Variants in BMX observed in about 807,000 individuals in gnomAD.
BMX encodes cytoplasmic tyrosine-protein kinase BMX.
A neutral mutation model predicts 59.2 loss-of-function variants in BMX; 31 were observed. The ratio of observed to expected loss-of-function variants is 0.52; its 90% CI spans 0.39 to 0.71. The LOEUF is 0.71. Among genes scored for constraint, BMX ranks in the 30% least tolerant of loss-of-function variants. BMX has a pLI of 0.00. For missense variants in BMX, 474 were observed against 491.7 expected (o/e 0.96, Z 0.34); for synonymous variants, 185 against 181.0 (o/e 1.02, Z -0.18).
At chrX:15,535,810 A>C (rs1351770707) in intron 12 of BMX, among the ~76,000 whole-genome samples, 1 of 111,890 alleles carries the variant, frequency 8.9e-6, no homozygotes, top group African/African-American at 3.2e-5. Context: ...CATTTAAAGC[A>C]AAAAACATAT....
At position 15,541,984 on chromosome X, in the gene BMX, A is replaced by C; in HGVS notation, c.1397A>C (p.Lys466Thr). The C allele has an allele frequency of 1.7e-6, 2 of 1,207,820 alleles. No homozygotes were observed. The highest frequency in any genetic ancestry group is 2.2e-6 in the Non-Finnish European group (2 of 893,282). ...EFFQEAQTMM[K>T]LSHPKLVKFY... ...CTTTGAAAATCTGTTATTTCCAGGA[A>C]ACTCAGCCATCCCAAGCTGGTTAAA... is the stretch of plus-strand genomic sequence containing the variant. The change falls in exon 15 of 19, where the codon AAA (lysine) becomes ACA (threonine). Residue 466 changes from lysine (K) to threonine (T), a missense_variant and splice_region_variant. Coordinates refer to ENST00000348343, the MANE Select transcript of BMX (RefSeq NM_203281.3).
intron 18 of BMX, among the ~76,000 whole-genome samples, chrX:15,555,469 A>C (rs1926388544): frequency 9.0e-6 from 1 of 110,852 alleles, no homozygotes; most frequent in South Asian, 3.8e-4. Context: ...TCAGCCTCCC[A>C]GAGTGCTGGG....
At chrX:15,517,880 T>C in intron 5 of BMX, 49 bp from the exon 6 acceptor site, 1 of 1,059,196 alleles carries the variant, frequency 9.4e-7, no homozygotes, top group South Asian at 1.9e-5. Context: ...AGTGTTTCTC[T>C]TTGTTTTGTT....
chrX:15,533,514 G>A (rs1925184566), intron 11 of BMX, among the ~76,000 whole-genome samples: 1 of 111,943 alleles, frequency 8.9e-6, no homozygotes, highest in African/African-American at 3.2e-5. Flanking sequence ...TATATGCCAG[G>A]CATAACCATA....
chrX:15,521,763 A>C (rs1924468444), intron 6 of BMX, among the ~76,000 whole-genome samples: 1 of 111,166 alleles, frequency 9.0e-6, no homozygotes, highest in Admixed American at 9.6e-5. Flanking sequence ...CATCAGGCCC[A>C]CCCCCACAAA....
intron 9 of BMX, among the ~76,000 whole-genome samples, chrX:15,527,283 T>TATATATACAC (rs1285065649): frequency 6.5e-4 from 43 of 65,826 alleles, no homozygotes; most frequent in East Asian, 1.2e-3. Context: ...TATATATATA[T>TATATATACAC]ACACACACAC....
rs182550052 is a variant in BMX, at chrX:15,510,466, G to T, written c.244-971G>T. On this transcript the variant is annotated intron_variant, in intron 3 of 18. Transcript: ENST00000348343. ...CAAGGAGGGAGGATCACTTAAGGCT[G>T]GGAGTTCAAGACTAGCCTGGGCAAC... Among the ~76,000 whole-genome samples the T allele has an allele frequency of 3.8e-3, 420 of 111,478 alleles. 2 individuals carry two copies. Among genetic ancestry groups the T allele is most frequent in the African/African-American group, 0.013 (409 of 30,633 alleles).
chrX:15,536,585 A>G (rs1472889418), intron 13 of BMX, among the ~76,000 whole-genome samples, 158 bp downstream of exon 13: 1 of 109,879 alleles, frequency 9.1e-6, no homozygotes, highest in Non-Finnish European at 1.9e-5. Context: ...AAAAAAAAAA[A>G]AATCTGTCCT....
intron 4 of BMX, among the ~76,000 whole-genome samples, chrX:15,513,788 A>C (rs1924047798): frequency 9.0e-6 from 1 of 111,267 alleles, no homozygotes; most frequent in East Asian, 2.8e-4. Context: ...TGTACATCAT[A>C]ATGTAGTAGA....
chrX:15,542,551 A>G (rs779728743), intron 15 of BMX, among the ~76,000 whole-genome samples: 1 of 109,027 alleles, frequency 9.2e-6, no homozygotes, highest in South Asian at 3.9e-4. Context: ...ATTTGATACA[A>G]TAACTGAACA....
intron 1 of BMX, among the ~76,000 whole-genome samples, chrX:15,501,479 C>A (rs1341920951): frequency 1.8e-5 from 2 of 112,262 alleles, no homozygotes; most frequent in Non-Finnish European, 3.8e-5. Context: ...GGGAGGTGAA[C>A]CATGCAGTTG....
At position 15,509,319 on chromosome X, in the gene BMX, T is replaced by C. The variant is rs770903933; in HGVS notation, c.139-10T>C. On this transcript the variant is annotated splice_polypyrimidine_tract_variant and intron_variant, in intron 2 of 18. Coordinates refer to ENST00000348343, the MANE Select transcript of BMX (RefSeq NM_203281.3). ...GCAGGAAGTATCTTACATTTTGTTT[T>C]TTAATTCAGAAAAGGGGCAGCAGAA... 8.4e-7 allele frequency: 1 copy of C among 1,184,909 alleles called. No individual in the cohort carries two copies. Among genetic ancestry groups the C allele is most frequent in the Non-Finnish European group, 1.1e-6 (1 of 882,414 alleles).
chrX:15,512,866 C>T (rs1288824710), intron 4 of BMX, among the ~76,000 whole-genome samples: 2 of 111,798 alleles, frequency 1.8e-5, no homozygotes, highest in Admixed American at 9.5e-5. Context: ...ATTTCCTGAG[C>T]GGTAGGTGCT....
chrX:15,544,411 GA>G (rs1173896105), intron 16 of BMX, among the ~76,000 whole-genome samples: 5 of 107,271 alleles, frequency 4.7e-5, no homozygotes, highest in Non-Finnish European at 7.7e-5. Context: ...TCAAGAGCAA[GA>G]AAAAAAAAAT....
At chrX:15,520,647 G>A in intron 6 of BMX, among the ~76,000 whole-genome samples, 1 of 111,820 alleles carries the variant, frequency 8.9e-6, no homozygotes, top group South Asian at 3.7e-4. Context: ...CAGTGGCTAA[G>A]GGTTCATAAG....
At chrX:15,519,230 A>G (rs950952367) in intron 6 of BMX, among the ~76,000 whole-genome samples, 4 of 111,646 alleles carry the variant, frequency 3.6e-5, no homozygotes, top group Admixed American at 9.5e-5. Context: ...TATTGGATCT[A>G]TGGTGTCTTG....
In BMX at chrX:15,522,514, C is replaced by A. The variant is rs892165015; in HGVS notation, c.679C>A (p.Gln227Lys). The A allele has an allele frequency of 1.7e-6, 2 of 1,212,118 alleles. No individual in the cohort carries two copies. Among genetic ancestry groups the A allele is most frequent in the African/African-American group, 3.5e-5 (2 of 57,967 alleles). The change falls in exon 7 of 19, where the codon CAG becomes AAG. Residue 227 changes from glutamine to lysine, a missense_variant. Gln to Lys is a moderately conservative substitution (Grantham distance 53). Coordinates refer to ENST00000348343, the MANE Select transcript of BMX (RefSeq NM_203281.3). ...CAACTCAAAGAAAATCTATGGCTCC[C>A]AGCCAAACTTCAACATGCAGTATAT... ...DSNSKKIYGS[Q>K]PNFNMQYIPR...
rs1925969374 is a variant in BMX, at chrX:15,546,821, G to A, written c.1695G>A (p.Gln565=). 1.7e-6 allele frequency: 2 copies of A among 1,207,999 alleles called. No homozygotes were observed. The highest frequency in any genetic ancestry group is 3.5e-5 in the African/African-American group (2 of 57,045). Residue 565 remains glutamine (Q), a synonymous_variant, in exon 17 of 19, where the codon CAG becomes CAA. Transcript: ENST00000348343. ...FGMTRYVLDD[Q]YVSSVGTKFP... ...CTGGCAGGTATGTTCTTGATGACCA[G>A]TATGTCAGTTCAGTCGGAACAAAGT...
intron 17 of BMX, among the ~76,000 whole-genome samples, chrX:15,548,539 C>G (rs1282456626): frequency 8.9e-6 from 1 of 111,894 alleles, no homozygotes; most frequent in Non-Finnish European, 1.9e-5. Flanking sequence ...ATAATTACAG[C>G]TTGTTTTTGA....
Sources: gnomAD v4.1 joint callset for allele counts (sites outside exome capture counted in the v4.1 genomes callset) on GRCh38, gnomAD v4.1.1 for gene constraint, MANE v1.5 for transcripts, NCBI Gene and HGNC (gene_info 2026-07-23, HGNC 2026-07-21) for gene names.